The following MPHOSPH6 variants were observed in gnomAD, a reference collection of about 807,000 sequenced individuals.
MPHOSPH6 encodes the protein M-phase phosphoprotein 6.
In MPHOSPH6, 25 loss-of-function variants were observed where a neutral mutation model predicts 21.8. That is an observed-to-expected ratio of 1.15 (90% CI 0.83 to 1.60). The LOEUF (loss-of-function observed/expected upper bound fraction) is 1.60, where lower values mean the gene tolerates loss of function less well. Among genes scored for constraint, MPHOSPH6 ranks in the 40% most tolerant of loss-of-function variants. MPHOSPH6 has a pLI of 0.00. For missense variants in MPHOSPH6, 269 were observed against 181.8 expected, an observed-to-expected ratio of 1.48 and a Z score of -2.76; for synonymous variants, 84 against 56.5, an observed-to-expected ratio of 1.49 and a Z score of -2.18.
At chr16:82,165,110 A>ATTTTTTTTTTTTTT in intron 1 of MPHOSPH6, among the ~76,000 whole-genome samples, 1 of 79,952 alleles carries the variant, frequency 1.3e-5, no homozygotes, top group South Asian at 4.1e-4. Context: ...CAGGTCCGAT[A>ATTTTTTTTTTTTTT]TTTCTTTTTT....
chr16:82,150,394 G>C (rs1906226853), intron 3 of MPHOSPH6, among the ~76,000 whole-genome samples: 2 of 152,056 alleles, frequency 1.3e-5, no homozygotes, highest in South Asian at 4.1e-4. Context: ...GAAAGTCAAA[G>C]CGAGACCAGC....
intron 1 of MPHOSPH6, among the ~76,000 whole-genome samples, chr16:82,165,621 G>A (rs1210942805): frequency 9.2e-6 from 1 of 108,812 alleles, no homozygotes; most frequent in African/African-American, 2.9e-5. Context: ...TTACAATGCT[G>A]CATTTTTATT....
intron 2 of MPHOSPH6, among the ~76,000 whole-genome samples, chr16:82,160,272 TG>T (rs1906566689): frequency 6.6e-6 from 1 of 152,222 alleles, no homozygotes. Flanking sequence ...TTTTCATTAA[TG>T]AGGATAATTT....
chr16:82,150,112 G>A (rs948063298), intron 3 of MPHOSPH6, among the ~76,000 whole-genome samples: 1 of 151,932 alleles, frequency 6.6e-6, no homozygotes, highest in Non-Finnish European at 1.5e-5. Flanking sequence ...GCTTAAAAGA[G>A]TGATAATAGT....
intron 1 of MPHOSPH6, among the ~76,000 whole-genome samples, chr16:82,166,878 C>T (rs1281757957): frequency 2.0e-5 from 3 of 152,118 alleles, no homozygotes; most frequent in Non-Finnish European, 4.4e-5. Context: ...ATAGAAAGGA[C>T]AGAACTCCCT....
At chr16:82,163,962 C>G (rs1265296089) in intron 2 of MPHOSPH6, 120 bp downstream of exon 2, 1 of 648,948 alleles carries the variant, frequency 1.5e-6, no homozygotes, top group Non-Finnish European at 2.6e-6. Context: ...GCTACTAAAT[C>G]AATAAACTGA....
chr16:82,162,581 C>A (rs1041101386), intron 2 of MPHOSPH6, among the ~76,000 whole-genome samples: 4 of 152,174 alleles, frequency 2.6e-5, no homozygotes, highest in African/African-American at 9.7e-5. Context: ...TCGGTAGCAG[C>A]TATTCCCCAC....
intron 2 of MPHOSPH6, among the ~76,000 whole-genome samples, chr16:82,159,011 C>T (rs1023512241): frequency 2.0e-5 from 3 of 152,182 alleles, no homozygotes; most frequent in African/African-American, 2.4e-5. Context: ...TCAGATTCCA[C>T]GTTGCAATTT....
chr16:82,166,892 A>G (rs1220749107), intron 1 of MPHOSPH6, among the ~76,000 whole-genome samples: 1 of 152,206 alleles, frequency 6.6e-6, no homozygotes, highest in African/African-American at 2.4e-5. Flanking sequence ...ACTCCCTGTG[A>G]ATATGAATCA....
chr16:82,152,004 A>G (rs1215819380), intron 2 of MPHOSPH6, among the ~76,000 whole-genome samples: 2 of 152,198 alleles, frequency 1.3e-5, no homozygotes, highest in African/African-American at 4.8e-5. Flanking sequence ...CCATTCTCTA[A>G]TTATCAAAGC....
chr16:82,161,504 G>GA (rs986841976), intron 2 of MPHOSPH6, among the ~76,000 whole-genome samples: 2 of 152,146 alleles, frequency 1.3e-5, no homozygotes, highest in African/African-American at 4.8e-5. Flanking sequence ...TATCCTTGGG[G>GA]AAAAAAACAA....
chr16:82,162,882 T>C (rs568841468), intron 2 of MPHOSPH6, among the ~76,000 whole-genome samples: 1 of 152,302 alleles, frequency 6.6e-6, no homozygotes, highest in South Asian at 2.1e-4. Flanking sequence ...GGAAACAAGA[T>C]AGAAACAGTC....
chr16:82,148,612 A>T lies in MPHOSPH6; in HGVS notation c.*119T>A. 1 of 1,231,860 alleles carries T rather than the reference A, an allele frequency of 8.1e-7. No individual in the cohort carries two copies. Among genetic ancestry groups the T allele is most frequent in the Non-Finnish European group, 1.1e-6 (1 of 911,826 alleles). 76.3% of individuals were successfully genotyped at this position (1,231,860 alleles called of 1,614,324 possible). A position where few individuals can be genotyped will look rare whatever the true frequency, so the allele number is the denominator to read the frequency against. On this transcript the variant is annotated 3_prime_UTR_variant, in exon 5 of 5. Coordinates refer to ENST00000258169, the MANE Select transcript of MPHOSPH6 (RefSeq NM_005792.2). The stretch of plus-strand genomic sequence containing the variant: ...AAAAACAGCATGTTTCTAAAATGAT[A>T]ATCTCTTTACAAGTAAACGTTACAG...
chr16:82,152,180 A>G (rs140448196), intron 2 of MPHOSPH6, among the ~76,000 whole-genome samples: 26 of 152,312 alleles, frequency 1.7e-4, no homozygotes, highest in Non-Finnish European at 3.7e-4. Context: ...CACAGGTCTG[A>G]GCTGTGTGGT....
chr16:82,159,027 G>A (rs1906523179), intron 2 of MPHOSPH6, among the ~76,000 whole-genome samples: 3 of 152,182 alleles, frequency 2.0e-5, no homozygotes, highest in African/African-American at 7.2e-5. Flanking sequence ...AATTTACTCT[G>A]AAGAAACTAC....
At chr16:82,156,075 TAGC>T (rs1906419864) in intron 2 of MPHOSPH6, among the ~76,000 whole-genome samples, 1 of 152,196 alleles carries the variant, frequency 6.6e-6, no homozygotes, top group South Asian at 2.1e-4. Flanking sequence ...CATCTTGGCA[TAGC>T]CAATGATTCA....
chr16:82,159,907 T>C (rs1037369719), intron 2 of MPHOSPH6, among the ~76,000 whole-genome samples: 3 of 152,160 alleles, frequency 2.0e-5, no homozygotes, highest in Admixed American at 2.0e-4. Context: ...TGGGATTCCC[T>C]CTCAATTGCC....
chr16:82,148,435 C>T lies in MPHOSPH6; in HGVS notation c.*296G>A. On this transcript the variant is annotated 3_prime_UTR_variant, in exon 5 of 5. Transcript: ENST00000258169. ...ATGTAAGTCAATTCAAGGTCAGTGA[C>T]TGGAGAACTATATTAAGAGAAACCT... The T allele has an allele frequency of 4.0e-6, 1 of 247,404 alleles. No homozygotes were observed. Among genetic ancestry groups the T allele is most frequent in the Non-Finnish European group, 7.6e-6 (1 of 131,512 alleles). The allele number at this position is 247,404 out of a possible 1,614,324, so 15.3% of individuals were successfully genotyped here.
In MPHOSPH6 at chr16:82,151,493, C is replaced by G. The variant is rs1250276546; in HGVS notation, c.186G>C (p.Gln62His). Residue 62 changes from glutamine to histidine, a missense_variant, in exon 3 of 5, where the codon CAG (glutamine) becomes CAC (histidine). By Grantham distance (24) the Gln-to-His change is conservative. Coordinates refer to ENST00000258169, the MANE Select transcript of MPHOSPH6 (RefSeq NM_005792.2). Reference sequence around the variant, plus strand: ...GAAGATCTTCACATAGTAAGAAACTCTGCTCTTCTATTATGAAACTCCTAA... The same window carrying G: ...GAAGATCTTCACATAGTAAGAAACTGTGCTCTTCTATTATGAAACTCCTAA... ...KEKESFIIEE[Q>H]SFLLCEDLLY... 2.5e-6 allele frequency: 4 copies of G among 1,597,744 alleles called. No homozygotes were observed. The highest frequency in any genetic ancestry group is 3.4e-6 in the Non-Finnish European group (4 of 1,173,106).
Sources: allele counts gnomAD v4.1 joint callset (sites outside exome capture counted in the v4.1 genomes callset), GRCh38; gene constraint gnomAD v4.1.1; transcripts MANE v1.5; gene names NCBI Gene and HGNC (gene_info 2026-07-23, HGNC 2026-07-21).